The following NSMCE2 variants were observed in gnomAD, a reference collection of about 807,000 sequenced individuals.
The protein encoded by NSMCE2 is E3 SUMO-protein ligase NSE2.
NSMCE2 carries 24 observed loss-of-function variants against 23.8 expected under a neutral mutation model. The observed-to-expected ratio is 1.01, with a 90% CI of 0.73 to 1.42. NSMCE2 has a LOEUF of 1.42. Ranked by LOEUF, NSMCE2 falls within the 40% of genes most tolerant of loss-of-function variation. The pLI is 0.00. For missense variants in NSMCE2, 284 were observed against 296.5 expected, an observed-to-expected ratio of 0.96 and a Z score of 0.31; for synonymous variants, 92 against 94.1, an observed-to-expected ratio of 0.98 and a Z score of 0.13.
chr8:125,161,302 T>TA (rs562186896), intron 4 of NSMCE2, among the ~76,000 whole-genome samples: 2,944 of 151,798 alleles, frequency 0.019, 87 homozygotes, highest in African/African-American at 0.068. Context: ...CTTCCTTTTT[T>TA]AAAAAAAAAG....
chr8:125,132,484 T>TA (rs1159954161), intron 3 of NSMCE2, among the ~76,000 whole-genome samples: 4 of 146,822 alleles, frequency 2.7e-5, no homozygotes, highest in African/African-American at 1.0e-4. Context: ...ATTTTTAAAT[T>TA]AAAAAAAAAT....
chr8:125,196,915 C>T (rs542649721), intron 5 of NSMCE2, among the ~76,000 whole-genome samples: 11 of 152,268 alleles, frequency 7.2e-5, no homozygotes, highest in African/African-American at 2.2e-4. Flanking sequence ...GAGATGGTAT[C>T]TCATTGTGGT....
At chr8:125,114,534 A>G (rs182871184) in intron 3 of NSMCE2, among the ~76,000 whole-genome samples, 1 of 152,346 alleles carries the variant, frequency 6.6e-6, no homozygotes, top group Admixed American at 6.5e-5. Context: ...ACATATGTAT[A>G]TACAGCAGTG....
At chr8:125,183,251 G>C (rs534066463) in intron 5 of NSMCE2, among the ~76,000 whole-genome samples, 7 of 152,198 alleles carry the variant, frequency 4.6e-5, no homozygotes, top group Non-Finnish European at 1.0e-4. Flanking sequence ...TTGATGCTGA[G>C]ATCTCAAAAA....
At chr8:125,208,025 G>A (rs986943655) in intron 5 of NSMCE2, among the ~76,000 whole-genome samples, 1 of 152,216 alleles carries the variant, frequency 6.6e-6, no homozygotes. Flanking sequence ...GAGGGTGGTA[G>A]AAAATACTGT....
chr8:125,283,614 A>G (rs1827777849), intron 5 of NSMCE2, among the ~76,000 whole-genome samples: 1 of 152,224 alleles, frequency 6.6e-6, no homozygotes, highest in Non-Finnish European at 1.5e-5. Context: ...ACCTCTGTGA[A>G]TATCAATAAG....
intron 5 of NSMCE2, among the ~76,000 whole-genome samples, chr8:125,355,998 G>T (rs978763796): frequency 6.6e-6 from 1 of 152,160 alleles, no homozygotes; most frequent in African/African-American, 2.4e-5. Context: ...GGGTCTTTCA[G>T]AGTGTCCATA....
Position 125,256,654 on chromosome 8 carries a change from G to A in NSMCE2, c.418+74398G>A, listed in dbSNP as rs114453877. ...AAAAAAGAAGAGGACTGTTGGGTGC[G>A]GTGGCTCACGCCTGTAATCCCAGCA... On this transcript the variant is annotated intron_variant, in intron 5 of 7. Transcript: ENST00000287437. 1.9e-3 allele frequency among the ~76,000 whole-genome samples: 287 copies of A among 152,158 alleles called. 2 individuals are homozygous for A. The highest frequency in any genetic ancestry group is 6.5e-3 in the African/African-American group (268 of 41,536).
Position 125,213,892 on chromosome 8 carries a change from C to T in NSMCE2, c.418+31636C>T, listed in dbSNP as rs575128455. Among the ~76,000 whole-genome samples, 34 of 152,148 alleles carry T rather than the reference C, an allele frequency of 2.2e-4. No homozygotes were observed. The South Asian group carries it at 5.4e-3, about 24-fold the overall frequency. ...TCTATTAGTCACTATTCTGACCATT[C>T]CCTTTTGTTTTATATCTGATCCACT... On this transcript the variant is annotated intron_variant, in intron 5 of 7. Coordinates refer to ENST00000287437, the MANE Select transcript of NSMCE2 (RefSeq NM_173685.4).
chr8:125,214,110 A>G (rs1824473059), intron 5 of NSMCE2, among the ~76,000 whole-genome samples: 1 of 152,210 alleles, frequency 6.6e-6, no homozygotes, highest in Non-Finnish European at 1.5e-5. Context: ...GTATCCCAAT[A>G]TCATTCCCCT....
intron 7 of NSMCE2, among the ~76,000 whole-genome samples, chr8:125,363,679 G>GGGAAGGAAGGAAGGCA (rs1244205091): frequency 1.3e-5 from 2 of 149,062 alleles, no homozygotes; most frequent in Non-Finnish European, 3.0e-5. Context: ...CGGGGAGGGA[G>GGGAAGGAAGGAAGGCA]GGAAGGAAGG....
chr8:125,135,921 C>T (rs1157315306), intron 3 of NSMCE2, among the ~76,000 whole-genome samples: 1 of 151,830 alleles, frequency 6.6e-6, no homozygotes, highest in Non-Finnish European at 1.5e-5. Context: ...TTAGACTTGG[C>T]TTGTCAATTT....
At chr8:125,182,642 G>C in intron 5 of NSMCE2, 1 of 271,754 alleles carries the variant, frequency 3.7e-6, no homozygotes. Flanking sequence ...TTCTGGTTTT[G>C]CCTCTTTGGA....
At chr8:125,296,678 G>A (rs374832644) in intron 5 of NSMCE2, among the ~76,000 whole-genome samples, 2 of 152,100 alleles carry the variant, frequency 1.3e-5, no homozygotes, top group African/African-American at 2.4e-5. Flanking sequence ...TTACAGATGT[G>A]AGTCACCGCA....
chr8:125,312,396 C>T (rs143700076), intron 5 of NSMCE2, among the ~76,000 whole-genome samples: 4,411 of 152,106 alleles, frequency 0.029, 199 homozygotes, highest in African/African-American at 0.1. Context: ...GAGGCTGAGG[C>T]GAGTGGATCA....
intron 4 of NSMCE2, among the ~76,000 whole-genome samples, chr8:125,177,847 C>T (rs1188321373): frequency 6.6e-6 from 1 of 152,102 alleles, no homozygotes; most frequent in East Asian, 1.9e-4. Context: ...CTTTTTCTTC[C>T]AGTGCCCTCA....
intron 5 of NSMCE2, among the ~76,000 whole-genome samples, chr8:125,292,775 G>A (rs767921294): frequency 7.9e-5 from 12 of 152,270 alleles, no homozygotes; most frequent in African/African-American, 2.2e-4. Flanking sequence ...AGAGCAAATC[G>A]ATTCTGAAAA....
intron 5 of NSMCE2, among the ~76,000 whole-genome samples, chr8:125,302,493 T>C (rs1427930319): frequency 6.6e-6 from 1 of 152,152 alleles, no homozygotes. Context: ...CCCAGGCCAT[T>C]GAAGGACTTT....
chr8:125,115,714 G>A (rs1285299412), intron 3 of NSMCE2, among the ~76,000 whole-genome samples: 2 of 152,158 alleles, frequency 1.3e-5, no homozygotes, highest in African/African-American at 4.8e-5. Flanking sequence ...TTGACAGAGC[G>A]AGACTCCGTC....
Sources: allele counts gnomAD v4.1 joint callset (sites outside exome capture counted in the v4.1 genomes callset), GRCh38; gene constraint gnomAD v4.1.1; transcripts MANE v1.5; gene names NCBI Gene and HGNC (gene_info 2026-07-23, HGNC 2026-07-21).